The following RALGPS2 variants were observed in gnomAD, a reference collection of about 807,000 sequenced individuals.
RALGPS2 encodes ras-specific guanine nucleotide-releasing factor RalGPS2.
RALGPS2 carries 43 observed loss-of-function variants against 86.8 expected under a neutral mutation model. That is an observed-to-expected ratio of 0.50 (90% CI 0.39 to 0.64). The LOEUF is 0.64. Among genes scored for constraint, RALGPS2 ranks in the 30% least tolerant of loss-of-function variants. The pLI, the probability that RALGPS2 is intolerant of heterozygous loss-of-function variation, is 0.00. For missense variants in RALGPS2, 536 were observed against 694.6 expected, an observed-to-expected ratio of 0.77 and a Z score of 2.57; for synonymous variants, 243 against 231.3, an observed-to-expected ratio of 1.05 and a Z score of -0.46.
At chr1:178,761,670 C>T (rs577148091) in intron 1 of RALGPS2, among the ~76,000 whole-genome samples, 186 of 151,878 alleles carry the variant, frequency 1.2e-3, no homozygotes, top group Non-Finnish European at 1.2e-3. Flanking sequence ...AAGTGATTCT[C>T]CTGCCTCAGC....
intron 10 of RALGPS2, 44 bp downstream of exon 10, chr1:178,879,036 C>T: frequency 6.3e-7 from 1 of 1,597,750 alleles, no homozygotes; most frequent in Non-Finnish European, 8.5e-7. Flanking sequence ...TTTGTCCTGT[C>T]CTCCACCTTT....
chr1:178,893,348 T>C (rs562262104), intron 15 of RALGPS2, among the ~76,000 whole-genome samples: 3 of 151,962 alleles, frequency 2.0e-5, no homozygotes, highest in African/African-American at 4.8e-5. Context: ...ATTGACACCA[T>C]TTAAATGTTA....
chr1:178,761,688 G>C (rs934261962), intron 1 of RALGPS2, among the ~76,000 whole-genome samples: 5 of 151,948 alleles, frequency 3.3e-5, no homozygotes, highest in Admixed American at 3.3e-4. Flanking sequence ...AGCCTCCCAA[G>C]TAGCTGAGAT....
At chr1:178,796,559 T>C (rs1349364386) in intron 4 of RALGPS2, among the ~76,000 whole-genome samples, 1 of 152,174 alleles carries the variant, frequency 6.6e-6, no homozygotes, top group African/African-American at 2.4e-5. Flanking sequence ...CTTTTTCTTT[T>C]CTTCCCTCAG....
intron 1 of RALGPS2, among the ~76,000 whole-genome samples, chr1:178,748,136 A>G (rs1651443921): frequency 6.6e-6 from 1 of 152,036 alleles, no homozygotes; most frequent in Admixed American, 6.5e-5. Flanking sequence ...CCTGGCCAAC[A>G]TGGTGAAACC....
At chr1:178,828,389 A>T (rs757610826) in intron 7 of RALGPS2, among the ~76,000 whole-genome samples, 19 of 152,162 alleles carry the variant, frequency 1.2e-4, no homozygotes, top group Non-Finnish European at 2.5e-4. Context: ...ACAAACCTAT[A>T]CACCATGTTA....
intron 10 of RALGPS2, 163 bp downstream of exon 10, chr1:178,879,155 G>T: frequency 1.0e-6 from 1 of 977,636 alleles, no homozygotes. Context: ...TTAATCACTT[G>T]TTATGATTGA....
chr1:178,903,426 T>C (rs911046979), intron 18 of RALGPS2, among the ~76,000 whole-genome samples: 1 of 152,140 alleles, frequency 6.6e-6, no homozygotes, highest in African/African-American at 2.4e-5. Flanking sequence ...AGTGGTGATT[T>C]GTGAGATTTT....
At position 178,889,714 on chromosome 1, in the gene RALGPS2, T is replaced by C. The variant is rs561749539; in HGVS notation, c.1247+18T>C. ...TTTGAAAGGTAAGATAAATTGTCCATTTGAACTACTTGGAGTTTATTTTGT... is the reference window on the plus strand; with the variant it reads ...TTTGAAAGGTAAGATAAATTGTCCACTTGAACTACTTGGAGTTTATTTTGT... On this transcript the variant is annotated intron_variant, in intron 14 of 19. Coordinates refer to ENST00000367635, the MANE Select transcript of RALGPS2 (RefSeq NM_152663.5). The C allele has an allele frequency of 1.7e-5, 27 of 1,578,926 alleles. 1 individual carries two copies. In the South Asian group the frequency reaches 3.1e-4, roughly 18 times the overall value.
At position 178,920,329 on chromosome 1, in the gene RALGPS2, T is replaced by A. The variant is rs1332633743; in HGVS notation, c.*3970T>A. The A allele has an allele frequency of 6.6e-6, 1 of 151,992 alleles. No homozygotes were observed. Among genetic ancestry groups the A allele is most frequent in the Non-Finnish European group, 1.5e-5 (1 of 67,886 alleles). 9.4% of individuals were successfully genotyped at this position (151,992 alleles called of 1,614,324 possible). A position where few individuals can be genotyped will look rare whatever the true frequency, so the allele number is the denominator to read the frequency against. On this transcript the variant is annotated 3_prime_UTR_variant, in exon 20 of 20. Coordinates refer to ENST00000367635, the MANE Select transcript of RALGPS2 (RefSeq NM_152663.5). ...CTTTTGCTTATTGAAAGCAATTTGATTACACCTATGTTTCAGGTTATAGTG... is the reference window on the plus strand; with the variant it reads ...CTTTTGCTTATTGAAAGCAATTTGAATACACCTATGTTTCAGGTTATAGTG...
At chr1:178,879,150 C>A in intron 10 of RALGPS2, 158 bp downstream of exon 10, 1 of 1,037,146 alleles carries the variant, frequency 9.6e-7, no homozygotes, top group Non-Finnish European at 1.3e-6. Context: ...ACTTCTTAAT[C>A]ACTTGTTATG....
At chr1:178,892,130 T>C in intron 14 of RALGPS2, 100 bp from the exon 15 acceptor site, 2 of 1,039,420 alleles carry the variant, frequency 1.9e-6, no homozygotes, top group Non-Finnish European at 2.9e-6. Context: ...TTTAGAAAGC[T>C]ATATTACAAG....
intron 8 of RALGPS2, among the ~76,000 whole-genome samples, chr1:178,854,287 A>G (rs1657383565): frequency 6.6e-6 from 1 of 152,194 alleles, no homozygotes; most frequent in Non-Finnish European, 1.5e-5. Context: ...ATAGTCCTAC[A>G]TAATACCCAA....
chr1:178,860,128 A>C (rs1407707025), intron 8 of RALGPS2, among the ~76,000 whole-genome samples: 2 of 152,134 alleles, frequency 1.3e-5, no homozygotes, highest in African/African-American at 4.8e-5. Flanking sequence ...TTCTCCACTC[A>C]GCTCTCCTAC....
chr1:178,863,996 G>T (rs151038371), intron 8 of RALGPS2, among the ~76,000 whole-genome samples: 56 of 152,158 alleles, frequency 3.7e-4, no homozygotes, highest in African/African-American at 1.3e-3. Context: ...TTATTTACTC[G>T]TTGCTTTGGG....
intron 1 of RALGPS2, among the ~76,000 whole-genome samples, chr1:178,775,946 C>G (rs1476755364): frequency 1.3e-5 from 2 of 148,848 alleles, no homozygotes. Context: ...AGGATGGTTG[C>G]ATCTGTACTG....
chr1:178,790,003 C>T (rs1229977178), intron 4 of RALGPS2, among the ~76,000 whole-genome samples: 2 of 152,152 alleles, frequency 1.3e-5, no homozygotes, highest in African/African-American at 2.4e-5. Flanking sequence ...GGTTGTAGTG[C>T]AGCGGCGCAA....
intron 4 of RALGPS2, among the ~76,000 whole-genome samples, chr1:178,799,767 A>G (rs908127305): frequency 6.6e-6 from 1 of 152,164 alleles, no homozygotes; most frequent in African/African-American, 2.4e-5. Flanking sequence ...TACTTTATGA[A>G]AAGGATTGTC....
intron 1 of RALGPS2, among the ~76,000 whole-genome samples, chr1:178,727,615 T>C (rs2773080): frequency 0.58 from 87,786 of 152,010 alleles, 25,850 homozygotes; most frequent in East Asian, 0.77. Context: ...GAGTAATATA[T>C]TTTTGTGTGT....
Sources: allele counts gnomAD v4.1 joint callset (sites outside exome capture counted in the v4.1 genomes callset), GRCh38; gene constraint gnomAD v4.1.1; transcripts MANE v1.5; gene names NCBI Gene and HGNC (gene_info 2026-07-23, HGNC 2026-07-21).